The following XKR6 variants were observed in gnomAD, a reference collection of about 807,000 sequenced individuals.
The protein encoded by XKR6 is XK related 6.
A neutral mutation model predicts 56.7 loss-of-function variants in XKR6; 22 were observed. The observed-to-expected ratio is 0.39, with a 90% CI of 0.28 to 0.55. The LOEUF is 0.55. XKR6 is among the 20% of genes least tolerant of loss of function. XKR6 has a pLI of 0.66. For missense variants in XKR6, 852 were observed against 889.0 expected (o/e 0.96, Z 0.53); for synonymous variants, 524 against 387.8 (o/e 1.35, Z -4.13).
chr8:11,072,372 ACC>A, intron 1 of XKR6, among the ~76,000 whole-genome samples: 1 of 148,012 alleles, frequency 6.8e-6, no homozygotes. Context: ...GCAGGGCTCC[ACC>A]CCCTCTCTGT....
chr8:11,085,267 C>T (rs1048704222), intron 1 of XKR6, among the ~76,000 whole-genome samples: 1 of 152,176 alleles, frequency 6.6e-6, no homozygotes, highest in African/African-American at 2.4e-5. Context: ...CATTGTCTCT[C>T]TAACTGTGGC....
intron 1 of XKR6, among the ~76,000 whole-genome samples, chr8:11,178,008 G>A (rs775877978): frequency 6.6e-6 from 1 of 152,108 alleles, no homozygotes; most frequent in Admixed American, 6.5e-5. Context: ...GGATCCCATC[G>A]CACCTGGTTT....
intron 1 of XKR6, among the ~76,000 whole-genome samples, chr8:11,126,587 A>T (rs1799810538): frequency 2.0e-5 from 3 of 152,172 alleles, no homozygotes. Flanking sequence ...CACTTAAGGA[A>T]AACACCTTAT....
At chr8:11,047,300 G>A (rs1355904670) in intron 1 of XKR6, among the ~76,000 whole-genome samples, 1 of 152,118 alleles carries the variant, frequency 6.6e-6, no homozygotes, top group African/African-American at 2.4e-5. Context: ...CCTCAATAAA[G>A]CTGGGAGGGG....
At chr8:11,199,783 C>G (rs551737517) in intron 1 of XKR6, among the ~76,000 whole-genome samples, 1 of 152,146 alleles carries the variant, frequency 6.6e-6, no homozygotes, top group Non-Finnish European at 1.5e-5. Flanking sequence ...GCCAAGCTTG[C>G]GTCTTGTGTA....
At chr8:10,915,693 G>T (rs1276928423) in intron 2 of XKR6, among the ~76,000 whole-genome samples, 2 of 152,220 alleles carry the variant, frequency 1.3e-5, no homozygotes, top group East Asian at 3.9e-4. Flanking sequence ...TGCTTAACAA[G>T]AAGCCGTTTG....
At chr8:10,995,909 C>G (rs1798102515) in intron 1 of XKR6, among the ~76,000 whole-genome samples, 1 of 152,178 alleles carries the variant, frequency 6.6e-6, no homozygotes, top group African/African-American at 2.4e-5. Context: ...GTAGTTGAAT[C>G]AGACGAATGG....
intron 1 of XKR6, among the ~76,000 whole-genome samples, chr8:11,081,676 A>G (rs1256463833): frequency 2.0e-5 from 3 of 152,192 alleles, no homozygotes; most frequent in Admixed American, 6.5e-5. Context: ...CTGATCATCA[A>G]GTTGAAAGGG....
chr8:10,944,932 G>A (rs1801491332), intron 1 of XKR6, among the ~76,000 whole-genome samples: 1 of 152,300 alleles, frequency 6.6e-6, no homozygotes, highest in African/African-American at 2.4e-5. Flanking sequence ...TCTTTCCAGG[G>A]TCCCAGGGGA....
At chr8:11,037,477 C>T (rs1490088352) in intron 1 of XKR6, among the ~76,000 whole-genome samples, 3 of 152,212 alleles carry the variant, frequency 2.0e-5, no homozygotes, top group African/African-American at 2.4e-5. Flanking sequence ...CACCCACCTC[C>T]GGCTCCAAAA....
chr8:10,961,838 C>CA (rs2129130799), intron 1 of XKR6, among the ~76,000 whole-genome samples: 1 of 152,332 alleles, frequency 6.6e-6, no homozygotes, highest in East Asian at 1.9e-4. Flanking sequence ...GGAACGTTGC[C>CA]AGGAGGAAGG....
Position 10,985,826 on chromosome 8 carries a change from G to C in XKR6, c.765-60996C>G, listed in dbSNP as rs111816735. ...GTGTCATGTTGCTCAGGCTGGTCTTGAACTCCCGAGCTCAAGCGATCCACC... is the reference window on the plus strand; with the variant it reads ...GTGTCATGTTGCTCAGGCTGGTCTTCAACTCCCGAGCTCAAGCGATCCACC... On this transcript the variant is annotated intron_variant, in intron 1 of 2. Transcript: ENST00000416569. 9.5e-3 allele frequency among the ~76,000 whole-genome samples: 1,445 copies of C among 152,214 alleles called. 22 individuals are homozygous for C. The highest frequency in any genetic ancestry group is 0.034 in the African/African-American group (1,396 of 41,510).
At chr8:10,906,293 C>A (rs188836638) in intron 2 of XKR6, among the ~76,000 whole-genome samples, 1 of 152,326 alleles carries the variant, frequency 6.6e-6, no homozygotes, top group East Asian at 1.9e-4. Flanking sequence ...CAGCACACCA[C>A]CGGTCAGGAT....
At chr8:11,007,039 G>A (rs1421528014) in intron 1 of XKR6, among the ~76,000 whole-genome samples, 2 of 152,152 alleles carry the variant, frequency 1.3e-5, no homozygotes. Context: ...CCTACCAGTT[G>A]GCTTCTGATC....
At chr8:11,136,504 CAAAA>C (rs34465755) in intron 1 of XKR6, among the ~76,000 whole-genome samples, 1 of 111,382 alleles carries the variant, frequency 9.0e-6, no homozygotes, top group Non-Finnish European at 1.9e-5. Context: ...AACTCTGTCT[CAAAA>C]AAAAAAAAAA....
intron 1 of XKR6, among the ~76,000 whole-genome samples, chr8:11,063,850 G>A (rs1345389956): frequency 6.6e-6 from 1 of 152,168 alleles, no homozygotes; most frequent in Admixed American, 6.5e-5. Context: ...TCTCCCCATA[G>A]AGGCTACTCG....
intron 1 of XKR6, among the ~76,000 whole-genome samples, chr8:11,164,562 G>A (rs1002047629): frequency 1.1e-4 from 16 of 152,174 alleles, no homozygotes; most frequent in Admixed American, 7.2e-4. Flanking sequence ...AAAGATATAT[G>A]GCTTTGTCAC....
intron 1 of XKR6, among the ~76,000 whole-genome samples, chr8:11,176,540 C>G (rs1802665325): frequency 6.6e-6 from 1 of 152,014 alleles, no homozygotes; most frequent in Non-Finnish European, 1.5e-5. Context: ...GAAATTATGT[C>G]AAGCCAGATT....
At chr8:11,167,248 A>G (rs545650119) in intron 1 of XKR6, among the ~76,000 whole-genome samples, 2 of 152,352 alleles carry the variant, frequency 1.3e-5, no homozygotes, top group South Asian at 4.1e-4. Context: ...CACTGAATCA[A>G]GAACTTCAAA....
Sources: allele counts gnomAD v4.1 joint callset (sites outside exome capture counted in the v4.1 genomes callset), GRCh38; gene constraint gnomAD v4.1.1; transcripts MANE v1.5; gene names NCBI Gene and HGNC (gene_info 2026-07-23, HGNC 2026-07-21).